COMMD6: variants seen among roughly 807,000 people sequenced by gnomAD.
COMMD6 encodes the protein COMM domain-containing protein 6.
Under a neutral mutation model 13.4 loss-of-function variants are expected in COMMD6, and 11 were observed. The observed-to-expected ratio is 0.82, with a 90% CI of 0.52 to 1.36. The LOEUF is 1.36. Ranked by LOEUF, COMMD6 falls within the 40% of genes most tolerant of loss-of-function variation. The probability of loss-of-function intolerance (pLI) is 0.00; values close to 1 mark genes in which losing one functional copy is unlikely to be tolerated. For missense variants in COMMD6, 124 were observed against 102.4 expected (o/e 1.21, Z -0.91); for synonymous variants, 43 against 36.5 (o/e 1.18, Z -0.64).
At chr13:75,527,213 C>T (rs1371310594) in intron 3 of COMMD6, among the ~76,000 whole-genome samples, 1 of 152,186 alleles carries the variant, frequency 6.6e-6, no homozygotes, top group African/African-American at 2.4e-5. Flanking sequence ...TTCTCCTGTA[C>T]CTACCCCAGG....
At chr13:75,538,762 A>T (rs1280322865), upstream of COMMD6, 1 of 152,212 alleles carries the variant, frequency 6.6e-6, no homozygotes, top group Non-Finnish European at 1.5e-5. Flanking sequence ...CCCCATCCAC[A>T]ACTAGAATCT....
chr13:75,536,634 G>C (rs563690567), intron 2 of COMMD6, among the ~76,000 whole-genome samples: 1 of 152,252 alleles, frequency 6.6e-6, no homozygotes, highest in East Asian at 1.9e-4. Flanking sequence ...TGGAAGCAGA[G>C]GCCACAAGCT....
upstream of COMMD6, among the ~76,000 whole-genome samples, chr13:75,542,290 CTT>C (rs59815923): frequency 2.8e-4 from 39 of 138,086 alleles, no homozygotes; most frequent in East Asian, 6.3e-4. Context: ...TCTTTCTTTC[CTT>C]TTTTTTTTTT....
Position 75,526,513 on chromosome 13 carries a change from C to A in COMMD6, c.*76G>T, listed in dbSNP as rs2030262913. ...TTTTTCATTCAATAAATGTTCCATC[C>A]TTATTTAGTTTTGTTGCCGAAAGTG... On this transcript the variant is annotated 3_prime_UTR_variant, in exon 4 of 4. Coordinates refer to ENST00000682242, the MANE Select transcript of COMMD6 (RefSeq NM_203495.4). The A allele has an allele frequency of 3.2e-6, 3 of 947,202 alleles. No individual in the cohort carries two copies. Among genetic ancestry groups the A allele is most frequent in the South Asian group, 1.6e-5 (1 of 60,880 alleles). 58.7% of individuals were successfully genotyped at this position (947,202 alleles called of 1,614,324 possible).
chr13:75,541,518 T>C (rs2030823797), upstream of COMMD6, among the ~76,000 whole-genome samples: 2 of 152,010 alleles, frequency 1.3e-5, no homozygotes, highest in African/African-American at 4.8e-5. Context: ...TGCCCGTTCA[T>C]CTCAATTCTC....
chr13:75,543,823 A>G (rs2030860524), intron 1 of COMMD6, among the ~76,000 whole-genome samples: 1 of 152,208 alleles, frequency 6.6e-6, no homozygotes, highest in East Asian at 1.9e-4. Flanking sequence ...ACGATATTCA[A>G]TACTCCAAAG....
chr13:75,533,126 T>A (rs1238505815), intron 2 of COMMD6, among the ~76,000 whole-genome samples: 1 of 151,840 alleles, frequency 6.6e-6, no homozygotes, highest in Non-Finnish European at 1.5e-5. Flanking sequence ...AGAGACAGGG[T>A]TTCACCATGT....
intron 3 of COMMD6, among the ~76,000 whole-genome samples, chr13:75,529,037 G>A (rs1157081145): frequency 6.6e-6 from 1 of 152,106 alleles, no homozygotes; most frequent in Non-Finnish European, 1.5e-5. Flanking sequence ...TTTCATTCAC[G>A]ATGGTTGCTT....
upstream of COMMD6, chr13:75,537,990 T>C: frequency 2.1e-6 from 1 of 481,054 alleles, no homozygotes; most frequent in Non-Finnish European, 3.6e-6. Context: ...GACATTGAGC[T>C]AAAAGAAAAT....
At chr13:75,549,060 C>T (rs1210632890) in intron 1 of COMMD6, among the ~76,000 whole-genome samples, 22 of 152,220 alleles carry the variant, frequency 1.4e-4, no homozygotes. Context: ...ACACTCTCTT[C>T]CCCCTTCCTC....
intron 3 of COMMD6, among the ~76,000 whole-genome samples, chr13:75,529,515 C>T (rs1332214124): frequency 2.5e-4 from 19 of 76,690 alleles, no homozygotes; most frequent in Non-Finnish European, 3.4e-4. Context: ...AGCGAGACTC[C>T]GTCTCAAAAA....
upstream of COMMD6, among the ~76,000 whole-genome samples, chr13:75,543,258 G>T (rs1349114765): frequency 6.6e-6 from 1 of 152,058 alleles, no homozygotes; most frequent in Non-Finnish European, 1.5e-5. Context: ...GAAATAATCT[G>T]TATGCTGAGC....
rs912519897 is a variant in COMMD6, at chr13:75,526,089, A to T, written c.*500T>A. 5 of 152,342 alleles carry T rather than the reference A, an allele frequency of 3.3e-5. No homozygotes were observed. Among genetic ancestry groups the T allele is most frequent in the African/African-American group, 1.2e-4 (5 of 41,466 alleles). 9.4% of individuals were successfully genotyped at this position (152,342 alleles called of 1,614,324 possible). A position where few individuals can be genotyped will look rare whatever the true frequency, so the allele number is the denominator to read the frequency against. On this transcript the variant is annotated 3_prime_UTR_variant, in exon 4 of 4. Transcript: ENST00000682242. The stretch of plus-strand genomic sequence containing the variant: ...AGCAATGGTCAATCTTAATCTGATT[A>T]CAAAAGTTTGAAAAAAGAAGCCTCA...
chr13:75,541,998 G>A (rs556868284), upstream of COMMD6, among the ~76,000 whole-genome samples: 17 of 152,298 alleles, frequency 1.1e-4, no homozygotes, highest in African/African-American at 4.1e-4. Context: ...GGTAAAGGAA[G>A]ACAAAGGTTT....
intron 2 of COMMD6, 169 bp downstream of exon 2, chr13:75,537,495 C>T: frequency 6.4e-7 from 1 of 1,555,824 alleles, no homozygotes; most frequent in East Asian, 2.4e-5. Flanking sequence ...ATGGCAACGG[C>T]TACCGGCTCA....
chr13:75,537,850 C>T (rs762887583), upstream of COMMD6: 6 of 1,542,772 alleles, frequency 3.9e-6, no homozygotes, highest in Admixed American at 4.0e-5. Context: ...AGAACGCCCC[C>T]AGACCAGCGC....
upstream of COMMD6, among the ~76,000 whole-genome samples, chr13:75,540,696 A>T (rs759908419): frequency 3.3e-5 from 5 of 152,246 alleles, no homozygotes; most frequent in African/African-American, 4.8e-5. Flanking sequence ...CAATAGAGTC[A>T]AAAAATGCTA....
At chr13:75,532,933 G>GTTTTT (rs1418511938) in intron 2 of COMMD6, among the ~76,000 whole-genome samples, 9 of 134,626 alleles carry the variant, frequency 6.7e-5, no homozygotes, top group African/African-American at 1.1e-4. Flanking sequence ...TTTTTGTTTT[G>GTTTTT]TTTTTTTTTT....
intron 1 of COMMD6, among the ~76,000 whole-genome samples, chr13:75,547,277 G>A (rs2030918650): frequency 6.6e-6 from 1 of 151,922 alleles, no homozygotes; most frequent in Non-Finnish European, 1.5e-5. Flanking sequence ...GCAAGAAGAA[G>A]GCAGAGTATC....
Sources: allele counts gnomAD v4.1 joint callset (sites outside exome capture counted in the v4.1 genomes callset), GRCh38; gene constraint gnomAD v4.1.1; transcripts MANE v1.5; gene names NCBI Gene and HGNC (gene_info 2026-07-23, HGNC 2026-07-21).